The following PTPRT variants were observed in gnomAD, a reference collection of about 807,000 sequenced individuals.
The protein encoded by PTPRT is receptor-type tyrosine-protein phosphatase T.
Under a neutral mutation model 176.8 loss-of-function variants are expected in PTPRT, and 56 were observed. The observed-to-expected ratio is 0.32, with a 90% confidence interval of 0.26 to 0.40. The LOEUF is 0.40. PTPRT is among the 10% of genes least tolerant of loss of function. The pLI is 1.00. For synonymous variants in PTPRT, 783 were observed against 739.0 expected, an observed-to-expected ratio of 1.06 and a Z score of -0.96; for missense variants, 1,540 against 1,908.2, an observed-to-expected ratio of 0.81 and a Z score of 3.60.
intron 1 of PTPRT, among the ~76,000 whole-genome samples, chr20:42,896,464 C>T (rs1260403227): frequency 6.6e-6 from 1 of 151,874 alleles, no homozygotes; most frequent in African/African-American, 2.4e-5. Context: ...GGTGAAATCC[C>T]GTCTTCACTA....
At chr20:43,006,868 C>A (rs978635558) in intron 1 of PTPRT, among the ~76,000 whole-genome samples, 5 of 152,084 alleles carry the variant, frequency 3.3e-5, no homozygotes, top group Non-Finnish European at 7.3e-5. Context: ...ATTAGAACTG[C>A]GAGGCAGGGT....
intron 15 of PTPRT, among the ~76,000 whole-genome samples, chr20:42,227,781 G>C (rs916020695): frequency 6.6e-6 from 1 of 151,568 alleles, no homozygotes; most frequent in Non-Finnish European, 1.5e-5. Flanking sequence ...CTAATTTTTT[G>C]TATTTTTAGT....
At chr20:42,234,344 C>G (rs970830377) in intron 15 of PTPRT, among the ~76,000 whole-genome samples, 9 of 152,134 alleles carry the variant, frequency 5.9e-5, no homozygotes, top group African/African-American at 2.2e-4. Flanking sequence ...AAAATTTGCC[C>G]AAGGCTCTAT....
intron 9 of PTPRT, among the ~76,000 whole-genome samples, chr20:42,378,754 A>G (rs1408041227): frequency 6.6e-6 from 1 of 152,208 alleles, no homozygotes; most frequent in Non-Finnish European, 1.5e-5. Context: ...CCTGCAAATT[A>G]TTTAACTTCC....
intron 9 of PTPRT, among the ~76,000 whole-genome samples, chr20:42,354,234 C>CT (rs2058328127): frequency 6.6e-6 from 1 of 152,210 alleles, no homozygotes; most frequent in South Asian, 2.1e-4. Flanking sequence ...GGGATCACCT[C>CT]TGTGTGACTT....
At chr20:42,549,262 T>C (rs903030630) in intron 7 of PTPRT, among the ~76,000 whole-genome samples, 10 of 151,694 alleles carry the variant, frequency 6.6e-5, no homozygotes, top group Non-Finnish European at 1.5e-4. Context: ...GAAATGTACA[T>C]ACAGTAATCT....
intron 16 of PTPRT, among the ~76,000 whole-genome samples, chr20:42,195,747 G>A (rs569620464): frequency 1.3e-5 from 2 of 152,240 alleles, no homozygotes; most frequent in Non-Finnish European, 2.9e-5. Context: ...GTATATTTGT[G>A]TATATATGAC....
At chr20:42,108,397 G>T (rs545110561) in intron 23 of PTPRT, among the ~76,000 whole-genome samples, 2 of 151,604 alleles carry the variant, frequency 1.3e-5, no homozygotes, top group Admixed American at 6.6e-5. Context: ...TCTATAAAAT[G>T]ATGTTGATAA....
chr20:42,990,256 T>A (rs1983827165), intron 1 of PTPRT, among the ~76,000 whole-genome samples: 1 of 152,138 alleles, frequency 6.6e-6, no homozygotes, highest in Non-Finnish European at 1.5e-5. Flanking sequence ...TGGGAAAAAA[T>A]CTATTGGAAA....
chr20:42,101,548 G>C (rs1026294539), intron 26 of PTPRT, among the ~76,000 whole-genome samples: 1 of 152,160 alleles, frequency 6.6e-6, no homozygotes, highest in African/African-American at 2.4e-5. Flanking sequence ...ACAAGAAAGT[G>C]GGGGGCAGTG....
In PTPRT at chr20:42,948,367, C is replaced by T. The variant is rs374574275; in HGVS notation, c.89-62435G>A. Among the ~76,000 whole-genome samples, 10 of 152,302 alleles carry T rather than the reference C, an allele frequency of 6.6e-5. 1 individual carries two copies. The South Asian group carries it at 2.1e-3, about 32-fold the overall frequency. On this transcript the variant is annotated intron_variant, in intron 1 of 30. Coordinates refer to ENST00000373187, the MANE Select transcript of PTPRT (RefSeq NM_007050.6). ...CATCCTCTGGAGAACTACCCCTTCC[C>T]ACTCCAGCCTGCCCCAGGTATGGGC...
intron 7 of PTPRT, among the ~76,000 whole-genome samples, chr20:42,564,116 C>T (rs766890676): frequency 6.6e-6 from 1 of 152,218 alleles, no homozygotes; most frequent in African/African-American, 2.4e-5. Context: ...TAAAACATAA[C>T]CACAGGGTAA....
rs187126480 is a variant in PTPRT, at chr20:42,916,982, T to A, written c.89-31050A>T. Among the ~76,000 whole-genome samples the A allele has an allele frequency of 2.5e-3, 383 of 152,326 alleles. 1 individual carries two copies. The highest frequency in any genetic ancestry group is 8.7e-3 in the African/African-American group (363 of 41,588). On this transcript the variant is annotated intron_variant, in intron 1 of 30. Coordinates refer to ENST00000373187, the MANE Select transcript of PTPRT (RefSeq NM_007050.6). ...TTAGTTTAATGAGATCCCATTTGTC[T>A]ATTTTGGCTTTTGTTGCCACTGCTT...
At chr20:42,948,923 G>A (rs1981058127) in intron 1 of PTPRT, among the ~76,000 whole-genome samples, 1 of 152,178 alleles carries the variant, frequency 6.6e-6, no homozygotes, top group African/African-American at 2.4e-5. Flanking sequence ...CAAATGGACA[G>A]GCTGCTGGGA....
intron 9 of PTPRT, among the ~76,000 whole-genome samples, chr20:42,445,411 T>C (rs1479149421): frequency 1.3e-5 from 2 of 152,206 alleles, no homozygotes; most frequent in African/African-American, 4.8e-5. Context: ...CCACTTGATG[T>C]ACTCAAGGTC....
At chr20:42,589,699 C>T (rs2145752099) in intron 7 of PTPRT, among the ~76,000 whole-genome samples, 1 of 152,264 alleles carries the variant, frequency 6.6e-6, no homozygotes, top group Middle Eastern at 3.4e-3. Context: ...AACTCGACTT[C>T]ACACCCAGCT....
intron 24 of PTPRT, among the ~76,000 whole-genome samples, chr20:42,105,253 A>G (rs544470540): frequency 6.6e-6 from 1 of 152,322 alleles, no homozygotes; most frequent in Middle Eastern, 3.4e-3. Context: ...AACTTGTTAA[A>G]GTAGCCTTTG....
At chr20:42,489,929 T>C (rs983821093) in intron 7 of PTPRT, among the ~76,000 whole-genome samples, 11 of 152,194 alleles carry the variant, frequency 7.2e-5, no homozygotes, top group Non-Finnish European at 1.5e-4. Flanking sequence ...TGGGAGTAGG[T>C]ATTAAGGTGG....
chr20:42,810,327 G>C (rs530472201), intron 2 of PTPRT, among the ~76,000 whole-genome samples: 5 of 152,072 alleles, frequency 3.3e-5, no homozygotes, highest in Admixed American at 6.5e-5. Context: ...AATAAAATAA[G>C]AGAGTGCGAG....
Sources: allele counts gnomAD v4.1 joint callset (sites outside exome capture counted in the v4.1 genomes callset), GRCh38; gene constraint gnomAD v4.1.1; transcripts MANE v1.5; gene names NCBI Gene and HGNC (gene_info 2026-07-23, HGNC 2026-07-21).